CFAP70: variants seen among roughly 807,000 people sequenced by gnomAD.
CFAP70 encodes the protein cilia- and flagella-associated protein 70.
A neutral mutation model predicts 137.6 loss-of-function variants in CFAP70; 81 were observed. That is an observed-to-expected ratio of 0.59 (90% confidence interval 0.49 to 0.71). CFAP70 has a LOEUF of 0.71. CFAP70 is among the 30% of genes least tolerant of loss of function. The pLI is 0.00. For synonymous variants in CFAP70, 382 were observed against 423.6 expected, an observed-to-expected ratio of 0.90 and a Z score of 1.20; for missense variants, 976 against 1,226.7, an observed-to-expected ratio of 0.80 and a Z score of 3.05.
intron 7 of CFAP70, among the ~76,000 whole-genome samples, chr10:73,332,517 C>G (rs1455922702): frequency 6.6e-6 from 1 of 152,186 alleles, no homozygotes; most frequent in African/African-American, 2.4e-5. Context: ...GATTATCAAA[C>G]ACTTCTGAAA....
chr10:73,280,785 T>C (rs1488309968), intron 19 of CFAP70, among the ~76,000 whole-genome samples: 3 of 152,196 alleles, frequency 2.0e-5, no homozygotes, highest in South Asian at 2.1e-4. Context: ...ATTTGTGATA[T>C]TGGTAATGTG....
chr10:73,323,334 G>A (rs1047042063), intron 8 of CFAP70, among the ~76,000 whole-genome samples: 2 of 132,178 alleles, frequency 1.5e-5, no homozygotes, highest in East Asian at 2.4e-4. Flanking sequence ...GCGGGGGCGG[G>A]GGGGGGGCAG....
At chr10:73,339,066 G>A in intron 6 of CFAP70, among the ~76,000 whole-genome samples, 1 of 151,798 alleles carries the variant, frequency 6.6e-6, no homozygotes, top group Non-Finnish European at 1.5e-5. Flanking sequence ...TTACAGGTGT[G>A]TGCCAACGTG....
chr10:73,323,110 A>T lies in CFAP70; in HGVS notation c.778-13T>A. 8 of 1,603,710 alleles carry T rather than the reference A, an allele frequency of 5.0e-6. No homozygotes were observed. The highest frequency in any genetic ancestry group is 6.8e-6 in the Non-Finnish European group (8 of 1,176,510). ...CTTCTTCATCAGTCTAAAGGAATAA[A>T]ACCAGAGAGTTGTTAGTGCTATAAG... On this transcript the variant is annotated splice_polypyrimidine_tract_variant and intron_variant, in intron 8 of 26. Coordinates refer to ENST00000310715, the Ensembl canonical transcript of CFAP70.
At chr10:73,298,070 G>C (rs905668928) in intron 14 of CFAP70, among the ~76,000 whole-genome samples, 4 of 152,218 alleles carry the variant, frequency 2.6e-5, no homozygotes, top group African/African-American at 9.6e-5. Flanking sequence ...GTAAATGTGT[G>C]TACAAAGGCA....
intron 3 of CFAP70, among the ~76,000 whole-genome samples, chr10:73,350,997 G>GTA (rs1409138908): frequency 2.1e-3 from 294 of 142,066 alleles, no homozygotes; most frequent in African/African-American, 7.2e-3. Context: ...ATATATGTGT[G>GTA]TATATGTGTG....
At chr10:73,326,901 C>T (rs2051498324) in intron 8 of CFAP70, among the ~76,000 whole-genome samples, 3 of 151,566 alleles carry the variant, frequency 2.0e-5, no homozygotes, top group Non-Finnish European at 4.4e-5. Context: ...CAAATTCTAC[C>T]AGAGGTACAA....
At chr10:73,274,685 T>C in intron 22 of CFAP70, 91 bp from the exon 24 acceptor site, 5 of 1,201,390 alleles carry the variant, frequency 4.2e-6, no homozygotes, top group East Asian at 2.6e-5. Flanking sequence ...TTTAGATAGA[T>C]TGTCCATTTC....
In CFAP70 at chr10:73,284,090, T is replaced by G. The variant is rs576396775; in HGVS notation, c.2240-5753A>C. 5.3e-5 allele frequency among the ~76,000 whole-genome samples: 8 copies of G among 152,326 alleles called. No homozygotes were observed. The East Asian group carries it at 1.5e-3, about 29-fold the overall frequency. On this transcript the variant is annotated intron_variant, in intron 19 of 26. Transcript: ENST00000310715. The stretch of plus-strand genomic sequence containing the variant: ...CAAGGCCAAAAGTCTGAAATCAGTT[T>G]CACTGGATTAAGGTCAAGATTTGAC...
chr10:73,274,858 A>G, intron 22 of CFAP70: 1 of 431,716 alleles, frequency 2.3e-6, no homozygotes. Flanking sequence ...TAAGAAAAAC[A>G]TTCAAGCATA....
At chr10:73,312,441 G>A in intron 10 of CFAP70, 32 bp downstream of exon 11, 4 of 1,510,988 alleles carry the variant, frequency 2.6e-6, no homozygotes, top group Non-Finnish European at 3.6e-6. Flanking sequence ...TGTAATCTAA[G>A]AGGCAAAATC....
upstream of CFAP70, among the ~76,000 whole-genome samples, chr10:73,360,317 A>G (rs2054958516): frequency 1.3e-5 from 2 of 152,206 alleles, no homozygotes; most frequent in Admixed American, 1.3e-4. Context: ...AGGTCCAGAA[A>G]AAGACTAACA....
chr10:73,352,797 C>T (rs116904200), intron 3 of CFAP70, among the ~76,000 whole-genome samples: 33 of 152,308 alleles, frequency 2.2e-4, no homozygotes, highest in Non-Finnish European at 4.3e-4. Context: ...ACACCTTTAA[C>T]TATATCCCAC....
At chr10:73,333,137 A>T (rs937316341) in intron 7 of CFAP70, among the ~76,000 whole-genome samples, 2 of 152,202 alleles carry the variant, frequency 1.3e-5, no homozygotes, top group Non-Finnish European at 2.9e-5. Flanking sequence ...AATTCATTTG[A>T]TGGGCTTATC....
chr10:73,257,186 A>AT (rs1223754441), intron 25 of CFAP70, among the ~76,000 whole-genome samples: 3 of 152,204 alleles, frequency 2.0e-5, no homozygotes, highest in Non-Finnish European at 4.4e-5. Flanking sequence ...TACAGAGAGG[A>AT]TAAGTAACTT....
At chr10:73,311,097 A>G (rs189755839) in intron 11 of CFAP70, among the ~76,000 whole-genome samples, 1 of 152,378 alleles carries the variant, frequency 6.6e-6, no homozygotes, top group East Asian at 1.9e-4. Flanking sequence ...GTCATCAGCT[A>G]TACAATGAAG....
intron 5 of CFAP70, among the ~76,000 whole-genome samples, chr10:73,342,361 A>AC (rs1409144385): frequency 1.3e-5 from 2 of 151,446 alleles, no homozygotes; most frequent in East Asian, 3.9e-4. Context: ...ACATAGTGAG[A>AC]CCCCCATCTC....
At position 73,274,282 on chromosome 10, in the gene CFAP70, T is replaced by C. The variant is rs543540726; in HGVS notation, c.2835+151A>G. ...TTTGAATGCTGCTTCCACTAATTAC[T>C]GGTTGTCTGATGTTGGGCAAGTCAC... is the stretch of plus-strand genomic sequence containing the variant. On this transcript the variant is annotated intron_variant, in intron 23 of 26. Coordinates refer to ENST00000310715, the Ensembl canonical transcript of CFAP70. 5.1e-5 allele frequency: 44 copies of C among 867,274 alleles called. No homozygotes were observed. In the East Asian group the frequency reaches 1.2e-3, roughly 23 times the overall value. 53.7% of individuals were successfully genotyped at this position (867,274 alleles called of 1,614,324 possible).
At chr10:73,296,255 G>A (rs2048538090) in intron 15 of CFAP70, 1 of 152,142 alleles carries the variant, frequency 6.6e-6, no homozygotes, top group African/African-American at 2.4e-5. Flanking sequence ...TTTTTCTCAT[G>A]CTCCACTCTC....
Sources: allele counts gnomAD v4.1 joint callset (sites outside exome capture counted in the v4.1 genomes callset), GRCh38; gene constraint gnomAD v4.1.1; transcripts MANE v1.5; gene names NCBI Gene and HGNC (gene_info 2026-07-23, HGNC 2026-07-21).